TECPR2: variants seen among roughly 807,000 people sequenced by gnomAD.
TECPR2 encodes the protein tectonin beta-propeller repeat containing 2, also known as tectonin beta-propeller repeat-containing protein 2.
TECPR2 carries 65 observed loss-of-function variants against 138.1 expected under a neutral mutation model. That is an observed-to-expected ratio of 0.47 (90% CI 0.39 to 0.58). The LOEUF (loss-of-function observed/expected upper bound fraction) is 0.58. TECPR2 is among the 20% of genes least tolerant of loss of function. TECPR2 has a pLI of 0.00. For missense variants in TECPR2, 1,553 were observed against 1,824.5 expected (o/e 0.85, Z 2.71); for synonymous variants, 746 against 749.8 (o/e 0.99, Z 0.08).
chr14:102,395,491 T>C (rs1353701388), intron 2 of TECPR2, among the ~76,000 whole-genome samples: 1 of 152,202 alleles, frequency 6.6e-6, no homozygotes, highest in Admixed American at 6.5e-5. Flanking sequence ...TGCTTATACA[T>C]GTGCTTTTTA....
chr14:102,381,197 G>A (rs1887804725), intron 2 of TECPR2, among the ~76,000 whole-genome samples: 1 of 152,146 alleles, frequency 6.6e-6, no homozygotes, highest in Non-Finnish European at 1.5e-5. Context: ...CTGATGTCAG[G>A]TGATCCACTC....
intron 4 of TECPR2, among the ~76,000 whole-genome samples, chr14:102,413,389 A>AT (rs1159931263): frequency 1.9e-4 from 28 of 148,510 alleles, no homozygotes; most frequent in African/African-American, 3.0e-4. Context: ...ATATATATAT[A>AT]TATTTTTTGA....
At chr14:102,385,136 C>T (rs192228163) in intron 2 of TECPR2, among the ~76,000 whole-genome samples, 24 of 152,182 alleles carry the variant, frequency 1.6e-4, no homozygotes, top group Admixed American at 3.9e-4. Context: ...GAATTACAGG[C>T]ATGAGCCACG....
At chr14:102,444,173 G>C (rs914285874) in intron 12 of TECPR2, among the ~76,000 whole-genome samples, 1 of 150,578 alleles carries the variant, frequency 6.6e-6, no homozygotes, top group African/African-American at 2.4e-5. Context: ...CATGCTAATC[G>C]AAGTTGATCT....
chr14:102,493,418 C>T (rs1054489549), intron 17 of TECPR2, among the ~76,000 whole-genome samples: 1 of 152,226 alleles, frequency 6.6e-6, no homozygotes, highest in Non-Finnish European at 1.5e-5. Flanking sequence ...CAGGCCTCTC[C>T]CCTCCCTTCC....
At chr14:102,421,479 C>T (rs1190537) in intron 5 of TECPR2, among the ~76,000 whole-genome samples, 39,796 of 152,106 alleles carry the variant, frequency 0.26, 6,093 homozygotes, top group East Asian at 0.47. Context: ...TAGTGAGATT[C>T]TGGTGTGCGA....
chr14:102,395,521 C>G (rs1032901487), intron 2 of TECPR2, among the ~76,000 whole-genome samples: 15 of 152,260 alleles, frequency 9.9e-5, no homozygotes, highest in Middle Eastern at 3.4e-3. Flanking sequence ...CATGTTGGGC[C>G]GGGCACGGTG....
chr14:102,400,815 C>CCT (rs1473628574), intron 2 of TECPR2, among the ~76,000 whole-genome samples: 2 of 150,988 alleles, frequency 1.3e-5, no homozygotes, highest in African/African-American at 2.4e-5. Context: ...GGGTGGATCA[C>CCT]GAGGTCAGGA....
intron 17 of TECPR2, among the ~76,000 whole-genome samples, chr14:102,483,964 T>A (rs1220486235): frequency 1.4e-4 from 4 of 29,364 alleles, no homozygotes; most frequent in African/African-American, 2.1e-4. Flanking sequence ...GCCTGGCTGA[T>A]TCTTATATTT....
chr14:102,437,912 C>G (rs769000133), intron 9 of TECPR2, 110 bp from the exon 10 acceptor site: 1 of 1,288,090 alleles, frequency 7.8e-7, no homozygotes, highest in Non-Finnish European at 1.1e-6. Context: ...CTTGCTGACC[C>G]GTTTTACCGT....
At chr14:102,456,116 C>T (rs540454541) in intron 16 of TECPR2, among the ~76,000 whole-genome samples, 83 of 152,256 alleles carry the variant, frequency 5.5e-4, no homozygotes, top group African/African-American at 1.8e-3. Context: ...GGAGGATGCA[C>T]GGGGCATCCC....
chr14:102,406,620 C>T (rs532935373), intron 2 of TECPR2, among the ~76,000 whole-genome samples: 1 of 152,076 alleles, frequency 6.6e-6, no homozygotes, highest in South Asian at 2.1e-4. Flanking sequence ...TTGAGAGGCC[C>T]AGGCAGGAAG....
chr14:102,477,327 G>A (rs939707939), intron 17 of TECPR2, among the ~76,000 whole-genome samples: 4 of 150,412 alleles, frequency 2.7e-5, no homozygotes, highest in African/African-American at 9.8e-5. Context: ...CCGTGATGAC[G>A]CCATTGCACT....
chr14:102,438,649 G>A (rs117964569), intron 10 of TECPR2, among the ~76,000 whole-genome samples: 4,146 of 152,160 alleles, frequency 0.027, 75 homozygotes, highest in Middle Eastern at 0.088. Flanking sequence ...CAATTATTTG[G>A]CTTCCTCTTT....
rs1595118109 is a variant in TECPR2 at position 102,425,573 on chromosome 14, G to A, written c.951+282G>A. 2.1e-5 allele frequency among the ~76,000 whole-genome samples: 3 copies of A among 143,876 alleles called. No homozygotes were observed. The South Asian group carries it at 6.8e-4, about 33-fold the overall frequency. The allele number at this position is 143,876 out of a possible 152,430, so 94.4% of individuals were successfully genotyped here. Reference sequence around the variant, plus strand: ...AATTAAACTTGTTCTTTTTGTTGTTGTTGTTGTTGTTGTTGTTGTTGAGAA... The same window carrying A: ...AATTAAACTTGTTCTTTTTGTTGTTATTGTTGTTGTTGTTGTTGTTGAGAA... On this transcript the variant is annotated intron_variant, in intron 6 of 19. Transcript: ENST00000359520.
intron 1 of TECPR2, among the ~76,000 whole-genome samples, chr14:102,375,058 C>T (rs528796438): frequency 6.6e-6 from 1 of 152,196 alleles, no homozygotes; most frequent in East Asian, 1.9e-4. Context: ...CACGGTGGCT[C>T]ACACCTGTAA....
intron 2 of TECPR2, among the ~76,000 whole-genome samples, chr14:102,392,919 A>C (rs1017366797): frequency 6.6e-6 from 1 of 152,160 alleles, no homozygotes; most frequent in South Asian, 2.1e-4. Context: ...CTTCGGAAAG[A>C]TTCTTTTTTA....
chr14:102,460,258 C>T (rs1890373527), intron 16 of TECPR2, among the ~76,000 whole-genome samples: 1 of 151,960 alleles, frequency 6.6e-6, no homozygotes, highest in South Asian at 2.1e-4. Context: ...TGCCACTGCA[C>T]TCCAGCCTGG....
At chr14:102,380,446 C>T (rs985683131) in intron 2 of TECPR2, among the ~76,000 whole-genome samples, 4 of 152,172 alleles carry the variant, frequency 2.6e-5, no homozygotes, top group Non-Finnish European at 4.4e-5. Context: ...CGCATGGCTG[C>T]GGAGGCCTCA....
Sources: gnomAD v4.1 joint callset for allele counts (sites outside exome capture counted in the v4.1 genomes callset) on GRCh38, gnomAD v4.1.1 for gene constraint, MANE v1.5 for transcripts, NCBI Gene and HGNC (gene_info 2026-07-23, HGNC 2026-07-21) for gene names.